Variants in FHIT observed in about 807,000 individuals in gnomAD.
The protein encoded by FHIT is fragile histidine triad diadenosine triphosphatase.
A neutral mutation model predicts 17.9 loss-of-function variants in FHIT; 19 were observed. That is an observed-to-expected ratio of 1.06 (90% CI 0.74 to 1.56). The LOEUF (loss-of-function observed/expected upper bound fraction) is 1.56, where lower values mean the gene tolerates loss of function less well. Ranked by LOEUF, FHIT falls within the 40% of genes most tolerant of loss-of-function variation. The pLI, the probability that FHIT is intolerant of heterozygous loss-of-function variation, is 0.00. For synonymous variants in FHIT, 81 were observed against 69.7 expected, an observed-to-expected ratio of 1.16 and a Z score of -0.81; for missense variants, 248 against 189.2, an observed-to-expected ratio of 1.31 and a Z score of -1.82.
intron 1 of FHIT, among the ~76,000 whole-genome samples, chr3:61,206,744 T>C (rs988467299): frequency 2.6e-5 from 4 of 152,004 alleles, no homozygotes; most frequent in African/African-American, 7.2e-5. Flanking sequence ...TTTCTAGATA[T>C]ACAATCATGT....
chr3:60,521,893 G>C (rs956957399), intron 5 of FHIT, among the ~76,000 whole-genome samples: 7 of 152,092 alleles, frequency 4.6e-5, no homozygotes, highest in African/African-American at 1.7e-4. Context: ...AACAATACCA[G>C]AAACAGGACT....
At chr3:60,897,283 A>T (rs1362326571) in intron 3 of FHIT, among the ~76,000 whole-genome samples, 1 of 152,086 alleles carries the variant, frequency 6.6e-6, no homozygotes, top group Non-Finnish European at 1.5e-5. Flanking sequence ...CTTTTTTATC[A>T]ATTTTTGTGA....
At chr3:60,643,977 T>C (rs1163407402) in intron 4 of FHIT, among the ~76,000 whole-genome samples, 4 of 152,190 alleles carry the variant, frequency 2.6e-5, no homozygotes, top group Admixed American at 6.5e-5. Context: ...TTACCAAATA[T>C]GTTTGGGCAA....
chr3:60,903,121 A>G lies in FHIT; in HGVS notation c.-110-81110T>C, dbSNP rs1458908833. 5.3e-5 allele frequency among the ~76,000 whole-genome samples: 8 copies of G among 152,348 alleles called. No individual in the cohort carries two copies. In the East Asian group the frequency reaches 9.6e-4, roughly 18 times the overall value. On this transcript the variant is annotated intron_variant, in intron 3 of 9. Transcript: ENST00000492590. Reference sequence around the variant, plus strand: ...AAAAAAACTAAGTTGGTTCAAATACAAAAGAAAAATAAAATGTATGATTAT... The same window carrying G: ...AAAAAAACTAAGTTGGTTCAAATACGAAAGAAAAATAAAATGTATGATTAT...
rs1393324987 is a variant in FHIT, at chr3:60,929,079, G to A, written c.-110-107068C>T. 2.6e-5 allele frequency among the ~76,000 whole-genome samples: 4 copies of A among 152,130 alleles called. No homozygotes were observed. The South Asian group carries it at 8.3e-4, about 31-fold the overall frequency. Reference sequence around the variant, plus strand: ...GTTCAACATACGCAAATCAATAAACGTAATCCAACATATAAACAGAACCAA... The same window carrying A: ...GTTCAACATACGCAAATCAATAAACATAATCCAACATATAAACAGAACCAA... On this transcript the variant is annotated intron_variant, in intron 3 of 9. Coordinates refer to ENST00000492590, the MANE Select transcript of FHIT (RefSeq NM_002012.4).
At chr3:59,848,441 T>A (rs1014610903) in intron 8 of FHIT, among the ~76,000 whole-genome samples, 18 of 152,148 alleles carry the variant, frequency 1.2e-4, no homozygotes, top group African/African-American at 4.1e-4. Flanking sequence ...CAAAAAGATT[T>A]AAAAAAATCA....
At chr3:60,202,223 C>T (rs550008519) in intron 5 of FHIT, among the ~76,000 whole-genome samples, 2 of 152,258 alleles carry the variant, frequency 1.3e-5, no homozygotes, top group South Asian at 4.1e-4. Context: ...TTTTCTGGAC[C>T]ACATTTACTT....
At chr3:61,236,948 C>G (rs1440024518) in intron 1 of FHIT, among the ~76,000 whole-genome samples, 2 of 152,076 alleles carry the variant, frequency 1.3e-5, no homozygotes, top group Admixed American at 6.6e-5. Flanking sequence ...TACCTAGGGC[C>G]CATTTCCAAT....
intron 5 of FHIT, among the ~76,000 whole-genome samples, chr3:60,041,858 A>G (rs17323271): frequency 0.14 from 22,019 of 152,278 alleles, 1,689 homozygotes; most frequent in Middle Eastern, 0.19. Flanking sequence ...ATTATTACCA[A>G]AAATCTATTT....
chr3:60,178,158 C>A (rs1171772842), intron 5 of FHIT, among the ~76,000 whole-genome samples: 1 of 152,142 alleles, frequency 6.6e-6, no homozygotes, highest in African/African-American at 2.4e-5. Context: ...CTATTTAGTG[C>A]CAGAGAGCCA....
chr3:60,771,507 G>A (rs908104454), intron 4 of FHIT, among the ~76,000 whole-genome samples: 3 of 152,176 alleles, frequency 2.0e-5, no homozygotes, highest in Non-Finnish European at 4.4e-5. Context: ...ACTCAGACAC[G>A]TTGCAGAGGC....
At chr3:60,747,911 A>G (rs1298956552) in intron 4 of FHIT, among the ~76,000 whole-genome samples, 1 of 152,238 alleles carries the variant, frequency 6.6e-6, no homozygotes, top group African/African-American at 2.4e-5. Context: ...TCCCAGGTAG[A>G]GTAAAAACAG....
intron 5 of FHIT, among the ~76,000 whole-genome samples, chr3:60,124,001 TATATATATAGAGAGAGAG>T (rs1385055103): frequency 1.8e-4 from 5 of 27,958 alleles, no homozygotes; most frequent in South Asian, 1.5e-3. Context: ...TATATATATA[TATATATATAGAGAGAGAG>T]AGAGAGAGAG....
intron 4 of FHIT, among the ~76,000 whole-genome samples, chr3:60,594,436 G>A (rs1212463478): frequency 6.6e-6 from 1 of 152,102 alleles, no homozygotes; most frequent in Non-Finnish European, 1.5e-5. Flanking sequence ...GCCCCAAATG[G>A]TTGGTACTTA....
intron 5 of FHIT, among the ~76,000 whole-genome samples, chr3:60,278,553 C>A (rs769800597): frequency 3.9e-5 from 6 of 152,078 alleles, no homozygotes; most frequent in African/African-American, 9.7e-5. Context: ...GTGATTACAA[C>A]TGAGAGGTGA....
At chr3:61,165,795 A>AT (rs1168705037) in intron 2 of FHIT, 11 of 152,282 alleles carry the variant, frequency 7.2e-5, no homozygotes, top group African/African-American at 2.7e-4. Context: ...AGATCGAGCC[A>AT]TTGCACTCCA....
At chr3:60,393,798 T>C (rs1701328099) in intron 5 of FHIT, among the ~76,000 whole-genome samples, 1 of 152,140 alleles carries the variant, frequency 6.6e-6, no homozygotes, top group South Asian at 2.1e-4. Context: ...ATGGCAACGA[T>C]TGCATGGTAC....
chr3:60,054,446 A>T lies in FHIT; in HGVS notation c.104-40294T>A, dbSNP rs372632845. 9.2e-5 allele frequency among the ~76,000 whole-genome samples: 14 copies of T among 152,330 alleles called. No individual in the cohort carries two copies. The East Asian group carries it at 1.2e-3, about 13-fold the overall frequency. ...AAATGCACCCTGTGATCCTGTTGCC[A>T]ATGAAGTGGCATTGCTCTGATGTAC... On this transcript the variant is annotated intron_variant, in intron 5 of 9. Coordinates refer to ENST00000492590, the MANE Select transcript of FHIT (RefSeq NM_002012.4).
At chr3:60,774,089 A>T (rs1553723870) in intron 4 of FHIT, among the ~76,000 whole-genome samples, 1 of 152,206 alleles carries the variant, frequency 6.6e-6, no homozygotes, top group East Asian at 1.9e-4. Flanking sequence ...CATAATGGAT[A>T]GAACAAAGTA....
Sources: gnomAD v4.1 joint callset for allele counts (sites outside exome capture counted in the v4.1 genomes callset) on GRCh38, gnomAD v4.1.1 for gene constraint, MANE v1.5 for transcripts, NCBI Gene and HGNC (gene_info 2026-07-23, HGNC 2026-07-21) for gene names.